The following SGCZ variants were observed in gnomAD, a reference collection of about 807,000 sequenced individuals.
The protein encoded by SGCZ is zeta-sarcoglycan.
A neutral mutation model predicts 41.3 loss-of-function variants in SGCZ; 40 were observed. The observed-to-expected ratio is 0.97, with a 90% CI of 0.75 to 1.26. The LOEUF (loss-of-function observed/expected upper bound fraction) is 1.26. SGCZ is among the 50% of genes most tolerant of loss of function. The pLI is 0.00. For missense variants in SGCZ, 552 were observed against 369.8 expected (o/e 1.49, Z -4.04); for synonymous variants, 206 against 137.5 (o/e 1.50, Z -3.49).
intron 4 of SGCZ, among the ~76,000 whole-genome samples, chr8:14,195,273 A>G (rs1209174119): frequency 6.6e-6 from 1 of 152,148 alleles, no homozygotes; most frequent in East Asian, 1.9e-4. Context: ...AGTAGGATGA[A>G]AAACTACATT....
chr8:15,020,342 G>C (rs922801959), intron 1 of SGCZ, among the ~76,000 whole-genome samples: 1 of 152,108 alleles, frequency 6.6e-6, no homozygotes. Context: ...AGTAATTGAA[G>C]ACATCTGTCC....
chr8:14,416,529 T>G (rs938918935), intron 2 of SGCZ, among the ~76,000 whole-genome samples: 6 of 151,972 alleles, frequency 3.9e-5, no homozygotes, highest in South Asian at 2.1e-4. Context: ...CCCAGATGCC[T>G]CCGACAGAGA....
At chr8:14,179,950 G>C (rs187464644) in intron 4 of SGCZ, among the ~76,000 whole-genome samples, 147 of 152,248 alleles carry the variant, frequency 9.7e-4, no homozygotes, top group African/African-American at 3.4e-3. Context: ...TGGTGAAACC[G>C]GCCCAAGCAC....
chr8:14,838,814 A>G lies in SGCZ; in HGVS notation c.40-283888T>C, dbSNP rs577936658. Among the ~76,000 whole-genome samples, 4 of 152,300 alleles carry G rather than the reference A, an allele frequency of 2.6e-5. No homozygotes were observed. The South Asian group carries it at 8.3e-4, about 32-fold the overall frequency. On this transcript the variant is annotated intron_variant, in intron 1 of 7. Transcript: ENST00000382080. ...TGCATCTGACTGATCATCACATAAA[A>G]GAACACAAAACAGTTCCTCCGGACT...
intron 2 of SGCZ, among the ~76,000 whole-genome samples, chr8:14,340,087 A>C (rs140228949): frequency 0.011 from 1,711 of 152,288 alleles, 31 homozygotes; most frequent in African/African-American, 0.038. Context: ...AAATCTGCTG[A>C]AGATATGGTC....
chr8:14,429,209 G>A (rs570948435), intron 2 of SGCZ, among the ~76,000 whole-genome samples: 1 of 152,224 alleles, frequency 6.6e-6, no homozygotes, highest in Admixed American at 6.5e-5. Flanking sequence ...AAGGCAATAG[G>A]TTTATGGAAG....
At position 14,570,648 on chromosome 8, in the gene SGCZ, C is replaced by A. The variant is rs147894783; in HGVS notation, c.40-15722G>T. Among the ~76,000 whole-genome samples, 476 of 152,158 alleles carry A rather than the reference C, an allele frequency of 3.1e-3. 4 individuals carry two copies. The highest frequency in any genetic ancestry group is 0.011 in the African/African-American group (457 of 41,536). The stretch of plus-strand genomic sequence containing the variant: ...AAATTGATAGCTTTGTTATTACTGA[C>A]TTTCAAGAATTTAAATCAGAGAACA... On this transcript the variant is annotated intron_variant, in intron 1 of 7. Coordinates refer to ENST00000382080, the MANE Select transcript of SGCZ (RefSeq NM_139167.4).
intron 2 of SGCZ, among the ~76,000 whole-genome samples, chr8:14,531,592 T>C (rs547300026): frequency 1.3e-5 from 2 of 152,120 alleles, no homozygotes; most frequent in Admixed American, 6.6e-5. Context: ...AATTCTAAAA[T>C]AACCCTGAGA....
intron 1 of SGCZ, among the ~76,000 whole-genome samples, chr8:15,001,125 A>G (rs1446724395): frequency 6.6e-6 from 1 of 152,220 alleles, no homozygotes; most frequent in Non-Finnish European, 1.5e-5. Flanking sequence ...TGCCATGCCC[A>G]AAGATTGGGA....
chr8:14,479,560 T>A (rs535114323), intron 2 of SGCZ, among the ~76,000 whole-genome samples: 1 of 152,110 alleles, frequency 6.6e-6, no homozygotes, highest in East Asian at 1.9e-4. Flanking sequence ...CCATCACACC[T>A]GTTATCTATT....
At chr8:14,357,581 G>A (rs909194956) in intron 2 of SGCZ, among the ~76,000 whole-genome samples, 3 of 152,076 alleles carry the variant, frequency 2.0e-5, no homozygotes, top group Non-Finnish European at 2.9e-5. Flanking sequence ...AAAGGGACTC[G>A]CTACCTCCAC....
At chr8:14,828,644 A>T (rs1363264357) in intron 1 of SGCZ, among the ~76,000 whole-genome samples, 1 of 152,192 alleles carries the variant, frequency 6.6e-6, no homozygotes, top group Non-Finnish European at 1.5e-5. Context: ...GGTCCAGGTG[A>T]AACTGCTCCA....
At chr8:14,941,229 C>T (rs910742690) in intron 1 of SGCZ, among the ~76,000 whole-genome samples, 1 of 151,998 alleles carries the variant, frequency 6.6e-6, no homozygotes, top group Non-Finnish European at 1.5e-5. Context: ...CAAGTTTTAT[C>T]ATAGTAATAC....
At chr8:14,117,135 A>G (rs1248555052) in intron 5 of SGCZ, among the ~76,000 whole-genome samples, 1 of 152,070 alleles carries the variant, frequency 6.6e-6, no homozygotes, top group Non-Finnish European at 1.5e-5. Context: ...TTAAAGATGT[A>G]TCTTTAAAGG....
In SGCZ at chr8:14,090,310, C is replaced by G. The variant is rs933736681; in HGVS notation, c.*133G>C. ...CACAAGAGAAGGTGGTGGCGAATCCCTGCTCACACTGGAAGTTGCTCTGTG... is the reference window on the plus strand; with the variant it reads ...CACAAGAGAAGGTGGTGGCGAATCCGTGCTCACACTGGAAGTTGCTCTGTG... On this transcript the variant is annotated 3_prime_UTR_variant, in exon 8 of 8. Transcript: ENST00000382080. 1 of 864,836 alleles carries G rather than the reference C, an allele frequency of 1.2e-6. No individual in the cohort carries two copies. The highest frequency in any genetic ancestry group is 1.7e-5 in the African/African-American group (1 of 59,272). The allele number at this position is 864,836 out of a possible 1,614,324, so 53.6% of individuals were successfully genotyped here. A position where few individuals can be genotyped will look rare whatever the true frequency, so the allele number is the denominator to read the frequency against.
At chr8:14,376,715 G>A (rs547788374) in intron 2 of SGCZ, among the ~76,000 whole-genome samples, 5 of 152,144 alleles carry the variant, frequency 3.3e-5, no homozygotes, top group Non-Finnish European at 7.4e-5. Context: ...TTCAGATAAA[G>A]GTGCCATAAA....
intron 1 of SGCZ, among the ~76,000 whole-genome samples, chr8:14,822,577 T>C (rs1187272931): frequency 6.6e-6 from 1 of 152,118 alleles, no homozygotes; most frequent in South Asian, 2.1e-4. Flanking sequence ...AACTTCAAAA[T>C]ATGCTACAAA....
chr8:14,140,853 C>T lies in SGCZ; in HGVS notation c.547+23727G>A, dbSNP rs374218648. On this transcript the variant is annotated intron_variant, in intron 5 of 7. Coordinates refer to ENST00000382080, the MANE Select transcript of SGCZ (RefSeq NM_139167.4). ...ATTCATATGGAACCAAAAAAGAGCC[C>T]GCATAGCCAAGACAATCCTAAGCAA... Among the ~76,000 whole-genome samples, 48 of 152,138 alleles carry T rather than the reference C, an allele frequency of 3.2e-4. No homozygotes were observed. The East Asian group carries it at 8.5e-3, about 27-fold the overall frequency.
At chr8:14,878,203 T>C (rs975069360) in intron 1 of SGCZ, among the ~76,000 whole-genome samples, 1 of 151,732 alleles carries the variant, frequency 6.6e-6, no homozygotes, top group African/African-American at 2.4e-5. Context: ...TTTTTCTTTT[T>C]TTTTTTTTCC....
Sources: gnomAD v4.1 joint callset for allele counts (sites outside exome capture counted in the v4.1 genomes callset) on GRCh38, gnomAD v4.1.1 for gene constraint, MANE v1.5 for transcripts, NCBI Gene and HGNC (gene_info 2026-07-23, HGNC 2026-07-21) for gene names.